Variants in CUX2 observed in about 807,000 individuals in gnomAD.
CUX2 encodes cut like homeobox 2, also known as homeobox protein cut-like 2.
CUX2 carries 40 observed loss-of-function variants against 144.8 expected under a neutral mutation model. The observed-to-expected ratio is 0.28, with a 90% CI of 0.21 to 0.36. The LOEUF is 0.36. Among genes scored for constraint, CUX2 ranks in the 10% least tolerant of loss-of-function variants. The pLI, the probability that CUX2 is intolerant of heterozygous loss-of-function variation, is 1.00. For synonymous variants in CUX2, 827 were observed against 875.6 expected (o/e 0.94, Z 0.98); for missense variants, 1,615 against 1,994.0 (o/e 0.81, Z 3.62).
At chr12:111,069,412 A>T (rs1449679932) in intron 1 of CUX2, among the ~76,000 whole-genome samples, 1 of 151,994 alleles carries the variant, frequency 6.6e-6, no homozygotes, top group Non-Finnish European at 1.5e-5. Flanking sequence ...TCGTCTGTCC[A>T]GTGGACTCCT....
chr12:111,102,490 C>G (rs1873314941), intron 1 of CUX2, among the ~76,000 whole-genome samples: 1 of 152,346 alleles, frequency 6.6e-6, no homozygotes, highest in East Asian at 1.9e-4. Context: ...CACACTGTGC[C>G]CTGAGCCCAC....
chr12:111,316,449 CTTTTTTTTTTT>C (rs35751838), intron 16 of CUX2, among the ~76,000 whole-genome samples: 3 of 113,336 alleles, frequency 2.6e-5, no homozygotes, highest in African/African-American at 1.1e-4. Context: ...CCCGGCACTT[CTTTTTTTTTTT>C]TTTTTTTGAC....
intron 1 of CUX2, among the ~76,000 whole-genome samples, chr12:111,188,778 G>A (rs922679898): frequency 2.6e-5 from 4 of 152,094 alleles, no homozygotes; most frequent in South Asian, 2.1e-4. Context: ...GCTGCGGAGC[G>A]GTAGGATCTG....
At chr12:111,300,615 G>C (rs184571216) in intron 9 of CUX2, among the ~76,000 whole-genome samples, 1 of 152,276 alleles carries the variant, frequency 6.6e-6, no homozygotes, top group Non-Finnish European at 1.5e-5. Context: ...TAAAGAGTCA[G>C]AGAGTAAATA....
At chr12:111,182,738 A>G (rs1879266345) in intron 1 of CUX2, among the ~76,000 whole-genome samples, 2 of 152,176 alleles carry the variant, frequency 1.3e-5, no homozygotes, top group Admixed American at 1.3e-4. Context: ...GGCTGAGCTC[A>G]GTAACACATT....
In CUX2 at chr12:111,334,470, T is replaced by C; in HGVS notation, c.2956T>C (p.Ser986Pro). 1 of 1,606,956 alleles carries C rather than the reference T, an allele frequency of 6.2e-7. No homozygotes were observed. Among genetic ancestry groups the C allele is most frequent in the Non-Finnish European group, 8.5e-7 (1 of 1,176,382 alleles). ...ASPTEPRSSP[S>P]PPPSPTEPEK... The stretch of plus-strand genomic sequence containing the variant: ...TCCCACAGAACCAAGGTCCTCACCA[T>C]CCCCACCCCCCAGCCCCACAGAGCC... Residue 986 changes from serine (S) to proline (P), a missense_variant, in exon 19 of 22, where the codon TCC (serine) becomes CCC (proline). Physicochemically the swap from Ser to Pro is moderately conservative, Grantham distance 74 (BLOSUM62 -1). Coordinates refer to ENST00000261726, the MANE Select transcript of CUX2 (RefSeq NM_015267.4).
intron 4 of CUX2, among the ~76,000 whole-genome samples, chr12:111,268,838 G>A (rs894669029): frequency 1.3e-5 from 2 of 152,216 alleles, no homozygotes; most frequent in African/African-American, 4.8e-5. Context: ...CACTGTGTCA[G>A]CGACAAATGA....
intron 1 of CUX2, among the ~76,000 whole-genome samples, chr12:111,165,751 A>C (rs1878099485): frequency 2.0e-5 from 3 of 152,184 alleles, no homozygotes. Context: ...TAGTGACATC[A>C]CAGCAGGGCT....
At position 111,307,265 on chromosome 12, in the gene CUX2, G is replaced by A; in HGVS notation, c.1109+8G>A. The A allele has an allele frequency of 2.5e-6, 4 of 1,613,746 alleles. No individual in the cohort carries two copies. Among genetic ancestry groups the A allele is most frequent in the Non-Finnish European group, 3.4e-6 (4 of 1,179,874 alleles). ...AATTAAAACGGAGCTGAGGTACCAT[G>A]TGGGGTGGGGCTCCACAGACCCTCA... On this transcript the variant is annotated splice_region_variant and intron_variant, in intron 12 of 21. Coordinates refer to ENST00000261726, the MANE Select transcript of CUX2 (RefSeq NM_015267.4). This position sits in a 1 kb window ranked among gnomAD's most constrained non-coding sequence, Gnocchi z 4.1.
intron 18 of CUX2, among the ~76,000 whole-genome samples, chr12:111,329,466 G>A (rs1055889802): frequency 2.0e-5 from 3 of 152,138 alleles, no homozygotes; most frequent in Non-Finnish European, 4.4e-5. Context: ...TCAGAAAGGC[G>A]GGGTTCTCCC....
chr12:111,139,151 A>G (rs1876127001), intron 1 of CUX2, among the ~76,000 whole-genome samples: 1 of 152,002 alleles, frequency 6.6e-6, no homozygotes, highest in Non-Finnish European at 1.5e-5. Context: ...GGGCATGAGG[A>G]TAAGATAGCC....
intron 3 of CUX2, among the ~76,000 whole-genome samples, chr12:111,244,792 C>T (rs908534547): frequency 6.6e-6 from 1 of 152,100 alleles, no homozygotes; most frequent in African/African-American, 2.4e-5. Flanking sequence ...AACTCCTCTC[C>T]CCCAGGGTGT....
At chr12:111,150,188 T>A (rs1364612844) in intron 1 of CUX2, among the ~76,000 whole-genome samples, 1 of 152,234 alleles carries the variant, frequency 6.6e-6, no homozygotes, top group Non-Finnish European at 1.5e-5. Flanking sequence ...GACAGCTAAA[T>A]GCGAAGTGGC....
In CUX2 at chr12:111,059,693, G is replaced by A. The variant is rs1400013574; in HGVS notation, c.63+25453G>A. On this transcript the variant is annotated intron_variant, in intron 1 of 21. Coordinates refer to ENST00000261726, the MANE Select transcript of CUX2 (RefSeq NM_015267.4). The surrounding 1 kb of genome is among the most constrained non-coding windows in gnomAD (Gnocchi z 5.3). ...GGTGGGATTGTTTTCTAAAGATAGA[G>A]CCCCTTAGATATAGGAGGAGGGGAG... is the stretch of plus-strand genomic sequence containing the variant. Among the ~76,000 whole-genome samples, 1 of 152,020 alleles carries A rather than the reference G, an allele frequency of 6.6e-6. No individual in the cohort carries two copies. The highest frequency in any genetic ancestry group is 1.9e-4 in the East Asian group (1 of 5,180).
At position 111,293,481 on chromosome 12, in the gene CUX2, C is replaced by G. The variant is rs758124456; in HGVS notation, c.472C>G (p.Leu158Val). The G allele has an allele frequency of 4.5e-5, 73 of 1,608,778 alleles. No homozygotes were observed. In the Middle Eastern group the frequency reaches 5.7e-4, roughly 13 times the overall value. The change falls in exon 6 of 22, where the codon CTG becomes GTG. Residue 158 changes from leucine (L) to valine (V), a missense_variant. By Grantham distance (32) the Leu-to-Val change is conservative. This residue lies in a region of CUX2 where 295 missense variants were observed against 400.2 expected (regional missense o/e 0.74). Transcript: ENST00000261726. The surrounding 1 kb of genome is among the most constrained non-coding windows in gnomAD (Gnocchi z 4.5). Reference sequence around the variant, plus strand: ...GGGGACGTCGCCTGCCGGGCCCACGCTGACCGAGGGAAGCCGCCTCCCAGG... The same window carrying G: ...GGGGACGTCGCCTGCCGGGCCCACGGTGACCGAGGGAAGCCGCCTCCCAGG... Reference protein sequence around the residue: ...REGTSPAGPTLTEGSRLPGIP... With the variant: ...REGTSPAGPTVTEGSRLPGIP...
chr12:111,215,218 C>T (rs530977382), intron 2 of CUX2, among the ~76,000 whole-genome samples: 52 of 152,218 alleles, frequency 3.4e-4, no homozygotes, highest in Non-Finnish European at 6.3e-4. Flanking sequence ...ATGGGAGACC[C>T]TGATTCCAGC....
intron 1 of CUX2, among the ~76,000 whole-genome samples, chr12:111,069,347 A>G (rs547360895): frequency 1.3e-5 from 2 of 152,102 alleles, no homozygotes; most frequent in Non-Finnish European, 2.9e-5. Context: ...TCTGAAGGGC[A>G]GTATTTTCTC....
Position 111,287,628 on chromosome 12 carries a change from C to T in CUX2, c.302-3790C>T, listed in dbSNP as rs902986800. 6.6e-6 allele frequency among the ~76,000 whole-genome samples: 1 copy of T among 152,174 alleles called. No individual in the cohort carries two copies. The highest frequency in any genetic ancestry group is 6.5e-5 in the Admixed American group (1 of 15,282). On this transcript the variant is annotated intron_variant, in intron 4 of 21. Coordinates refer to ENST00000261726, the MANE Select transcript of CUX2 (RefSeq NM_015267.4). The surrounding 1 kb of genome is among the most constrained non-coding windows in gnomAD (Gnocchi z 4.2). The stretch of plus-strand genomic sequence containing the variant: ...ATGTCAATGTATAATTACATCAGCC[C>T]GGGGAGACATAATGGCATACCCTGC...
At chr12:111,251,145 T>C (rs771794244) in intron 3 of CUX2, among the ~76,000 whole-genome samples, 7 of 152,166 alleles carry the variant, frequency 4.6e-5, no homozygotes, top group Non-Finnish European at 8.8e-5. Flanking sequence ...TTATACAATT[T>C]TAACAATAGA....
Sources: allele counts gnomAD v4.1 joint callset (sites outside exome capture counted in the v4.1 genomes callset), GRCh38; gene constraint gnomAD v4.1.1; regional missense constraint gnomAD v4.1.1; non-coding constraint Gnocchi (gnomAD v3.1); transcripts MANE v1.5; gene names NCBI Gene and HGNC (gene_info 2026-07-23, HGNC 2026-07-21).